Variants in SHB observed in about 807,000 individuals in gnomAD.
SHB encodes SH2 domain-containing adapter protein B.
Under a neutral mutation model 52.3 loss-of-function variants are expected in SHB, and 20 were observed. The ratio of observed to expected loss-of-function variants is 0.38; its 90% CI spans 0.27 to 0.56. The LOEUF is 0.56. SHB is among the 20% of genes least tolerant of loss of function. The pLI, the probability that SHB is intolerant of heterozygous loss-of-function variation, is 0.71. For synonymous variants in SHB, 397 were observed against 316.5 expected (o/e 1.25, Z -2.70); for missense variants, 825 against 723.3 (o/e 1.14, Z -1.61).
chr9:37,925,059 C>G (rs1832231754), intron 5 of SHB, among the ~76,000 whole-genome samples: 2 of 152,252 alleles, frequency 1.3e-5, no homozygotes, highest in African/African-American at 4.8e-5. Context: ...TTAGCCCCCT[C>G]TGGCCTCTGG....
At chr9:37,949,288 G>T (rs1832533111) in intron 4 of SHB, among the ~76,000 whole-genome samples, 3 of 151,380 alleles carry the variant, frequency 2.0e-5, no homozygotes. Flanking sequence ...AGCTACTCAG[G>T]AGGCTGAGAC....
intron 1 of SHB, among the ~76,000 whole-genome samples, chr9:38,020,180 A>G (rs944766825): frequency 6.6e-6 from 1 of 152,228 alleles, no homozygotes; most frequent in East Asian, 1.9e-4. Context: ...AAACAAGGAG[A>G]ACCTATTCAT....
chr9:37,962,788 T>C (rs922037672), intron 3 of SHB, among the ~76,000 whole-genome samples: 3 of 152,066 alleles, frequency 2.0e-5, no homozygotes, highest in African/African-American at 2.4e-5. Context: ...GCTGGGATTA[T>C]AGGAAGGAGC....
chr9:38,052,043 C>T lies in SHB; in HGVS notation c.717+15886G>A, dbSNP rs145418243. 4.8e-3 allele frequency among the ~76,000 whole-genome samples: 738 copies of T among 152,314 alleles called. 4 individuals carry two copies. The highest frequency in any genetic ancestry group is 7.0e-3 in the South Asian group (34 of 4,824). ...TTGCACTGCTGTCTTCTGAAGACTT[C>T]AACTACGACACCAGCAACTTTACAT... On this transcript the variant is annotated intron_variant, in intron 1 of 5. Transcript: ENST00000377707.
chr9:37,950,011 A>T (rs1832546407), intron 4 of SHB, among the ~76,000 whole-genome samples: 2 of 152,084 alleles, frequency 1.3e-5, no homozygotes, highest in Non-Finnish European at 2.9e-5. Context: ...ATAATAGCTC[A>T]CTGCTGCCTC....
chr9:37,976,269 C>T (rs1442570083), intron 2 of SHB, among the ~76,000 whole-genome samples: 2 of 152,212 alleles, frequency 1.3e-5, no homozygotes, highest in African/African-American at 4.8e-5. Flanking sequence ...CTCCTGACCT[C>T]ATGTGATCTC....
At chr9:37,979,216 A>G (rs1820692294) in intron 2 of SHB, among the ~76,000 whole-genome samples, 1 of 152,246 alleles carries the variant, frequency 6.6e-6, no homozygotes, top group Non-Finnish European at 1.5e-5. Context: ...AATGACCTTT[A>G]ATATTAGGTG....
intron 1 of SHB, among the ~76,000 whole-genome samples, chr9:38,028,172 G>C (rs1821368305): frequency 1.3e-5 from 2 of 152,102 alleles, no homozygotes. Context: ...CCCTGTCCCA[G>C]AGACTAAGCA....
chr9:38,002,428 G>A (rs78175946), intron 2 of SHB, among the ~76,000 whole-genome samples: 102 of 152,270 alleles, frequency 6.7e-4, no homozygotes, highest in African/African-American at 2.1e-3. Context: ...AACCCTGACC[G>A]ACCTGGACAG....
chr9:37,990,182 C>T (rs1820865632), intron 2 of SHB, among the ~76,000 whole-genome samples: 2 of 148,332 alleles, frequency 1.3e-5, no homozygotes, highest in South Asian at 4.3e-4. Flanking sequence ...TGCTGACATG[C>T]TGCTGCTCCA....
rs753999397 is a variant in SHB at position 37,917,315 on chromosome 9, T to G, written c.*2506A>C. Among the ~76,000 whole-genome samples the G allele has an allele frequency of 1.1e-4, 16 of 152,134 alleles. No homozygotes were observed. The highest frequency in any genetic ancestry group is 2.2e-4 in the Non-Finnish European group (15 of 68,010). On this transcript the variant is annotated 3_prime_UTR_variant, in exon 6 of 6. Coordinates refer to ENST00000377707, the MANE Select transcript of SHB (RefSeq NM_003028.3). ...AGGAGGTTGGGCCTCCCAGGGAAACTTCAGGAAGACGAAGGCCAGGGACAG... is the reference window on the plus strand; with the variant it reads ...AGGAGGTTGGGCCTCCCAGGGAAACGTCAGGAAGACGAAGGCCAGGGACAG...
At chr9:37,965,576 C>CT (rs71990074) in intron 3 of SHB, among the ~76,000 whole-genome samples, 58,149 of 141,290 alleles carry the variant, frequency 0.41, 12,637 homozygotes, top group African/African-American at 0.55. Context: ...ACTCAAATAT[C>CT]TTTTTTTTTT....
rs550943335 is a variant in SHB at position 37,963,628 on chromosome 9, G to A, written c.1055-7574C>T. 5.7e-4 allele frequency among the ~76,000 whole-genome samples: 87 copies of A among 152,302 alleles called. 1 individual carries two copies. The highest frequency in any genetic ancestry group is 2.0e-3 in the African/African-American group (82 of 41,562). On this transcript the variant is annotated intron_variant, in intron 3 of 5. Transcript: ENST00000377707. Reference sequence around the variant, plus strand: ...GGGACTCTGGGGTGTTGGTGAGGGGGAAAGGTGGGTGAGAGTGGGGAGAGC... The same window carrying A: ...GGGACTCTGGGGTGTTGGTGAGGGGAAAAGGTGGGTGAGAGTGGGGAGAGC...
At chr9:37,927,932 CTCTCTT>C (rs139580168) in intron 5 of SHB, among the ~76,000 whole-genome samples, 689 of 151,734 alleles carry the variant, frequency 4.5e-3, no homozygotes, top group Non-Finnish European at 7.4e-3. Flanking sequence ...TCTTTCCTTC[CTCTCTT>C]TCTCTTTCTC....
intron 5 of SHB, among the ~76,000 whole-genome samples, chr9:37,935,065 A>C (rs918901684): frequency 6.6e-6 from 1 of 152,226 alleles, no homozygotes; most frequent in South Asian, 2.1e-4. Flanking sequence ...TCAGAACAGG[A>C]AAATGTATTT....
intron 2 of SHB, among the ~76,000 whole-genome samples, chr9:37,993,712 G>C (rs1820912009): frequency 6.6e-6 from 1 of 152,024 alleles, no homozygotes; most frequent in Non-Finnish European, 1.5e-5. Context: ...AAAAATAACT[G>C]GGAGTGTAAA....
Position 37,944,161 on chromosome 9 carries a change from C to T in SHB, c.1346+4474G>A, listed in dbSNP as rs548229626. On this transcript the variant is annotated intron_variant, in intron 5 of 5. Transcript: ENST00000377707. ...GTGTTCAAGGGCAATCAGGCAGAAT[C>T]GCCGAAGACGATTCACAGGTAGGGG... Among the ~76,000 whole-genome samples, 106 of 152,200 alleles carry T rather than the reference C, an allele frequency of 7.0e-4. 1 individual carries two copies. The highest frequency in any genetic ancestry group is 2.0e-3 in the African/African-American group (82 of 41,530).
intron 1 of SHB, among the ~76,000 whole-genome samples, chr9:38,035,220 C>T (rs562644281): frequency 1.5e-3 from 234 of 152,008 alleles, no homozygotes; most frequent in Non-Finnish European, 2.8e-3. Flanking sequence ...TAGAAGTTCT[C>T]AAAAAGATTT....
At chr9:37,953,263 T>C (rs954150519) in intron 4 of SHB, among the ~76,000 whole-genome samples, 1 of 152,020 alleles carries the variant, frequency 6.6e-6, no homozygotes, top group Non-Finnish European at 1.5e-5. Context: ...GGCAGCTCTT[T>C]GGAGACTGTT....
Sources: gnomAD v4.1 joint callset for allele counts (sites outside exome capture counted in the v4.1 genomes callset) on GRCh38, gnomAD v4.1.1 for gene constraint, MANE v1.5 for transcripts, NCBI Gene and HGNC (gene_info 2026-07-23, HGNC 2026-07-21) for gene names.